Variants in FGD6 observed in about 807,000 individuals in gnomAD.
FGD6 encodes FYVE, RhoGEF and PH domain containing 6, also known as FYVE, RhoGEF and PH domain-containing protein 6.
In FGD6, 90 loss-of-function variants were observed where a neutral mutation model predicts 149.4. The observed-to-expected ratio is 0.60, with a 90% CI of 0.51 to 0.72. The LOEUF is 0.72. Among genes scored for constraint, FGD6 ranks in the 30% least tolerant of loss-of-function variants. The pLI is 0.00. For synonymous variants in FGD6, 527 were observed against 584.0 expected, an observed-to-expected ratio of 0.90 and a Z score of 1.41; for missense variants, 1,437 against 1,684.8, an observed-to-expected ratio of 0.85 and a Z score of 2.57.
intron 7 of FGD6, among the ~76,000 whole-genome samples, 181 bp from the exon 8 acceptor site, chr12:95,135,007 T>C (rs1207935629): frequency 6.6e-6 from 1 of 152,192 alleles, no homozygotes; most frequent in African/African-American, 2.4e-5. Context: ...CCAGCCAGAC[T>C]GACCACCAAC....
Position 95,134,846 on chromosome 12 carries a change from A to G in FGD6, c.2995-20T>C, listed in dbSNP as rs1394455651. ...GCTCATCTGAAAGGAGAAGGCATCT[A>G]AATTAACACAGTGTTTTCTAAGAAG... On this transcript the variant is annotated intron_variant, in intron 7 of 20. Coordinates refer to ENST00000343958, the MANE Select transcript of FGD6 (RefSeq NM_018351.4). The G allele has an allele frequency of 1.3e-6, 2 of 1,592,368 alleles. No homozygotes were observed. Among genetic ancestry groups the G allele is most frequent in the African/African-American group, 2.7e-5 (2 of 74,288 alleles).
intron 13 of FGD6, among the ~76,000 whole-genome samples, 174 bp downstream of exon 13, chr12:95,106,780 G>C (rs1452347444): frequency 6.6e-6 from 1 of 152,094 alleles, no homozygotes; most frequent in Non-Finnish European, 1.5e-5. Flanking sequence ...TGTAGTCCCA[G>C]CTACTCAGGA....
At chr12:95,107,130 C>A (rs1354761739) in intron 12 of FGD6, 93 bp from the exon 13 acceptor site, 2 of 874,988 alleles carry the variant, frequency 2.3e-6, no homozygotes, top group East Asian at 2.5e-5. Context: ...ATAAATAATA[C>A]CTCTTTGCTA....
At chr12:95,100,362 T>C (rs1316897155) in intron 14 of FGD6, among the ~76,000 whole-genome samples, 2 of 152,168 alleles carry the variant, frequency 1.3e-5, no homozygotes, top group Non-Finnish European at 2.9e-5. Flanking sequence ...CTTTCTCTCA[T>C]CACTAAAGTT....
intron 1 of FGD6, among the ~76,000 whole-genome samples, chr12:95,216,048 G>A (rs1395040652): frequency 6.6e-6 from 1 of 152,180 alleles, no homozygotes; most frequent in Non-Finnish European, 1.5e-5. Context: ...TCTCATATAA[G>A]TGCATATAAC....
intron 2 of FGD6, among the ~76,000 whole-genome samples, chr12:95,187,668 A>G (rs1003510757): frequency 2.0e-5 from 3 of 151,870 alleles, no homozygotes; most frequent in Admixed American, 2.0e-4. Context: ...AAAAACAAAA[A>G]AAAAAAAGTG....
chr12:95,092,979 G>C (rs983902615), intron 15 of FGD6, 134 bp from the exon 16 acceptor site: 1 of 994,342 alleles, frequency 1.0e-6, no homozygotes, highest in African/African-American at 1.6e-5. Context: ...CCAGCATTTT[G>C]GGAGGCCGAG....
At position 95,131,400 on chromosome 12, in the gene FGD6, C is replaced by A. The variant is rs149051629; in HGVS notation, c.3082+3339G>T. ...TTGGGATTACAGGCGTGAGACACCACACCTGGTGAGATGTTTTAAACCTAG... is the reference window on the plus strand; with the variant it reads ...TTGGGATTACAGGCGTGAGACACCAAACCTGGTGAGATGTTTTAAACCTAG... On this transcript the variant is annotated intron_variant, in intron 8 of 20. Transcript: ENST00000343958. 2.3e-4 allele frequency among the ~76,000 whole-genome samples: 35 copies of A among 152,270 alleles called. No homozygotes were observed. The East Asian group carries it at 6.4e-3, about 28-fold the overall frequency.
At chr12:95,201,998 ACAT>A (rs2056665662) in intron 2 of FGD6, among the ~76,000 whole-genome samples, 3 of 130,788 alleles carry the variant, frequency 2.3e-5, no homozygotes, top group South Asian at 2.5e-4. Flanking sequence ...ACACACACAC[ACAT>A]CTTCTTCTTC....
intron 3 of FGD6, among the ~76,000 whole-genome samples, chr12:95,162,247 G>A (rs924471343): frequency 6.6e-6 from 1 of 151,996 alleles, no homozygotes; most frequent in African/African-American, 2.4e-5. Flanking sequence ...AGTTGGCCAG[G>A]TGCGGTGGCT....
At chr12:95,120,832 C>A (rs1879165545) in intron 8 of FGD6, among the ~76,000 whole-genome samples, 1 of 152,018 alleles carries the variant, frequency 6.6e-6, no homozygotes, top group African/African-American at 2.4e-5. Flanking sequence ...TTGTGTGCTG[C>A]AGTTTTTTAT....
chr12:95,137,622 A>C lies in FGD6; in HGVS notation c.2894T>G (p.Met965Arg), dbSNP rs1469310815. 2 of 1,612,286 alleles carry C rather than the reference A, an allele frequency of 1.2e-6. No homozygotes were observed. Among genetic ancestry groups the C allele is most frequent in the African/African-American group, 2.7e-5 (2 of 74,892 alleles). Reference sequence around the variant, plus strand: ...AAATTCTTTGATGTATGTGGAATACATTTTTAGATATGGTCCCTTCTTTAC... The same window carrying C: ...AAATTCTTTGATGTATGTGGAATACCTTTTTAGATATGGTCCCTTCTTTAC... Reference protein sequence around the residue: ...IFVKKGPYLKMYSTYIKEFDK... With the variant: ...IFVKKGPYLKRYSTYIKEFDK... Residue 965 changes from methionine to arginine, a missense_variant, in exon 7 of 21, where the codon ATG becomes AGG. This residue lies in a region of FGD6 where 1,055 missense variants were observed against 1,146.0 expected (regional missense o/e 0.92). Coordinates refer to ENST00000343958, the MANE Select transcript of FGD6 (RefSeq NM_018351.4).
intron 14 of FGD6, 110 bp from the exon 15 acceptor site, chr12:95,094,804 G>A: frequency 2.7e-6 from 2 of 741,838 alleles, no homozygotes; most frequent in South Asian, 1.7e-5. Flanking sequence ...AACAATACCA[G>A]TCAAAAAAGT....
In FGD6 at chr12:95,152,907, T is replaced by C. The variant is rs1456363324; in HGVS notation, c.2654+19A>G. ...AATGGGGGGAAAACAGTCTTCTGAATTGTAAACTAGATACCTACACTTTCT... is the reference window on the plus strand; with the variant it reads ...AATGGGGGGAAAACAGTCTTCTGAACTGTAAACTAGATACCTACACTTTCT... On this transcript the variant is annotated intron_variant, in intron 4 of 20. Coordinates refer to ENST00000343958, the MANE Select transcript of FGD6 (RefSeq NM_018351.4). The C allele has an allele frequency of 6.2e-7, 1 of 1,613,894 alleles. No homozygotes were observed. The highest frequency in any genetic ancestry group is 1.7e-5 in the Admixed American group (1 of 60,022).
chr12:95,154,415 T>G (rs1333506610), intron 3 of FGD6, among the ~76,000 whole-genome samples: 1 of 152,144 alleles, frequency 6.6e-6, no homozygotes, highest in African/African-American at 2.4e-5. Context: ...CAATAAAATA[T>G]CGAGAGTTGG....
chr12:95,104,382 T>C (rs1878539787), intron 14 of FGD6, among the ~76,000 whole-genome samples: 2 of 152,106 alleles, frequency 1.3e-5, no homozygotes, highest in South Asian at 2.1e-4. Flanking sequence ...GAAGATTGCA[T>C]GAGCTCAGGA....
rs1878348797 is a variant in FGD6, at chr12:95,099,413, T to A, written c.3498-4719A>T. Among the ~76,000 whole-genome samples, 3 of 152,260 alleles carry A rather than the reference T, an allele frequency of 2.0e-5. No individual in the cohort carries two copies. In the South Asian group the frequency reaches 6.2e-4, roughly 32 times the overall value. On this transcript the variant is annotated intron_variant, in intron 14 of 20. Coordinates refer to ENST00000343958, the MANE Select transcript of FGD6 (RefSeq NM_018351.4). ...TGGAGAGACTCCTTACCCACTTTAATATGGGATGCAGTACCTGCCTAACTG... is the reference window on the plus strand; with the variant it reads ...TGGAGAGACTCCTTACCCACTTTAAAATGGGATGCAGTACCTGCCTAACTG...
Position 95,077,507 on chromosome 12 carries a change from G to A in FGD6, c.*4013C>T, listed in dbSNP as rs1424434921. 6.6e-6 allele frequency: 1 copy of A among 152,276 alleles called. No homozygotes were observed. Among genetic ancestry groups the A allele is most frequent in the African/African-American group, 2.4e-5 (1 of 41,462 alleles). The allele number at this position is 152,276 out of a possible 1,614,324, so 9.4% of individuals were successfully genotyped here. On this transcript the variant is annotated 3_prime_UTR_variant, in exon 21 of 21. Transcript: ENST00000343958. ...TGGGTAAGAGTTAGCTGGAATGTAT[G>A]GCAACTGAGGACGTGTTCCATGCCA...
chr12:95,119,251 T>C (rs565385601), intron 8 of FGD6, among the ~76,000 whole-genome samples: 4 of 152,210 alleles, frequency 2.6e-5, no homozygotes, highest in Non-Finnish European at 5.9e-5. Flanking sequence ...TGAACCAGAA[T>C]GAAAACTGTA....
Sources: allele counts gnomAD v4.1 joint callset (sites outside exome capture counted in the v4.1 genomes callset), GRCh38; gene constraint gnomAD v4.1.1; regional missense constraint gnomAD v4.1.1; transcripts MANE v1.5; gene names NCBI Gene and HGNC (gene_info 2026-07-23, HGNC 2026-07-21).